HTR5A: variants seen among roughly 807,000 people sequenced by gnomAD.
The protein encoded by HTR5A is 5-hydroxytryptamine receptor 5A.
Under a neutral mutation model 24.3 loss-of-function variants are expected in HTR5A, and 21 were observed. The observed-to-expected ratio is 0.86, with a 90% CI of 0.61 to 1.24. The LOEUF is 1.24. HTR5A is among the 50% of genes most tolerant of loss of function. HTR5A has a pLI of 0.00. For synonymous variants in HTR5A, 260 were observed against 213.7 expected, an observed-to-expected ratio of 1.22 and a Z score of -1.89; for missense variants, 497 against 489.5, an observed-to-expected ratio of 1.02 and a Z score of -0.15.
At chr7:155,073,014 A>G (rs974262722) in intron 1 of HTR5A, among the ~76,000 whole-genome samples, 1 of 152,224 alleles carries the variant, frequency 6.6e-6, no homozygotes, top group East Asian at 1.9e-4. Context: ...CTGTCTGGAG[A>G]CATTTTGGAT....
chr7:155,073,076 T>C (rs2150817097), intron 1 of HTR5A, among the ~76,000 whole-genome samples: 1 of 152,146 alleles, frequency 6.6e-6, no homozygotes, highest in East Asian at 1.9e-4. Context: ...ATCCCAGCAC[T>C]TTGGGAGGCC....
chr7:155,079,219 C>T (rs1418642781), intron 1 of HTR5A, among the ~76,000 whole-genome samples: 2 of 152,150 alleles, frequency 1.3e-5, no homozygotes, highest in Non-Finnish European at 2.9e-5. Flanking sequence ...TCTCAAAGGG[C>T]TGGGATTACA....
chr7:155,073,197 T>C (rs1795316720), intron 1 of HTR5A, among the ~76,000 whole-genome samples: 1 of 151,768 alleles, frequency 6.6e-6, no homozygotes, highest in Non-Finnish European at 1.5e-5. Context: ...GGCAGGCGCC[T>C]GTAGTCCCAG....
chr7:155,071,216 G>T lies in HTR5A; in HGVS notation c.317G>T (p.Arg106Leu), dbSNP rs751304245. 1 of 1,603,198 alleles carries T rather than the reference G, an allele frequency of 6.2e-7. No homozygotes were observed. Among genetic ancestry groups the T allele is most frequent in the East Asian group, 2.2e-5 (1 of 44,876 alleles). ...LSLVHELSGR[R>L]WQLGRRLCQL... Reference sequence around the variant, plus strand: ...CTGGTGCACGAGCTGTCCGGGCGCCGCTGGCAGCTAGGTCGGAGGCTGTGC... The same window carrying T: ...CTGGTGCACGAGCTGTCCGGGCGCCTCTGGCAGCTAGGTCGGAGGCTGTGC... Residue 106 changes from arginine (R) to leucine (L), a missense_variant, in exon 1 of 2, where the codon CGC becomes CTC. By Grantham distance (102) the Arg-to-Leu change is moderately radical (BLOSUM62 -2). Coordinates refer to ENST00000287907, the MANE Select transcript of HTR5A (RefSeq NM_024012.4).
chr7:155,076,765 C>T (rs923097060), intron 1 of HTR5A, among the ~76,000 whole-genome samples: 8 of 152,144 alleles, frequency 5.3e-5, no homozygotes, highest in Non-Finnish European at 8.8e-5. Context: ...TTTCTGTTAG[C>T]AATTGGGGCT....
rs139813281 is a variant in HTR5A, at chr7:155,079,977, C to T, written c.742-4178C>T. ...ATCAATTGCTTTTTCATAAATTGGT[C>T]ACTGGCCTAATAATGGTCTTCAAAT... On this transcript the variant is annotated intron_variant, in intron 1 of 1. Transcript: ENST00000287907. Among the ~76,000 whole-genome samples the T allele has an allele frequency of 2.4e-3, 371 of 152,330 alleles. 1 individual carries two copies. The highest frequency in any genetic ancestry group is 8.6e-3 in the African/African-American group (357 of 41,568).
chr7:155,071,727 TA>T, intron 1 of HTR5A, 87 bp downstream of exon 1: 1 of 1,421,188 alleles, frequency 7.0e-7, no homozygotes, highest in Non-Finnish European at 9.5e-7. Flanking sequence ...CCCACACTTG[TA>T]GAAAATGGAA....
chr7:155,073,591 A>AGG (rs1795322396), intron 1 of HTR5A, among the ~76,000 whole-genome samples: 1 of 151,704 alleles, frequency 6.6e-6, no homozygotes, highest in Non-Finnish European at 1.5e-5. Flanking sequence ...CAAATTCCAG[A>AGG]CCAGGAACAA....
In HTR5A at chr7:155,084,521, C is replaced by T. The variant is rs377046718; in HGVS notation, c.*34C>T. 1.3e-6 allele frequency: 2 copies of T among 1,524,164 alleles called. No homozygotes were observed. Among genetic ancestry groups the T allele is most frequent in the African/African-American group, 2.8e-5 (2 of 72,670 alleles). 94.4% of individuals were successfully genotyped at this position (1,524,164 alleles called of 1,614,324 possible). A position where few individuals can be genotyped will look rare whatever the true frequency, so the allele number is the denominator to read the frequency against. Reference sequence around the variant, plus strand: ...ACCAGGATTGAAAAAAGTTTCTTCCCATAATTCAGTGGAATTCCCAGTTCA... The same window carrying T: ...ACCAGGATTGAAAAAAGTTTCTTCCTATAATTCAGTGGAATTCCCAGTTCA... On this transcript the variant is annotated 3_prime_UTR_variant, in exon 2 of 2. Transcript: ENST00000287907.
chr7:155,082,998 A>C (rs968323698), intron 1 of HTR5A, among the ~76,000 whole-genome samples: 1 of 152,234 alleles, frequency 6.6e-6, no homozygotes, highest in South Asian at 2.1e-4. Flanking sequence ...AATAAATGTC[A>C]GCAAAGCTCT....
intron 1 of HTR5A, among the ~76,000 whole-genome samples, chr7:155,079,113 C>A (rs1170062381): frequency 6.6e-6 from 1 of 152,032 alleles, no homozygotes; most frequent in African/African-American, 2.4e-5. Context: ...TGCCACCACA[C>A]CTGGCTAATT....
At chr7:155,073,194 G>A (rs995671490) in intron 1 of HTR5A, among the ~76,000 whole-genome samples, 9 of 152,066 alleles carry the variant, frequency 5.9e-5, no homozygotes, top group East Asian at 5.8e-4. Context: ...GGTGGCAGGC[G>A]CCTGTAGTCC....
chr7:155,085,852 G>C lies in HTR5A; in HGVS notation c.*1365G>C, dbSNP rs1274425986. 2.0e-5 allele frequency: 3 copies of C among 152,188 alleles called. No individual in the cohort carries two copies. The highest frequency in any genetic ancestry group is 2.0e-4 in the Admixed American group (3 of 15,276). The allele number at this position is 152,188 out of a possible 1,614,324, so 9.4% of individuals were successfully genotyped here. ...AATTTATATGTGGTCTTGGCTTGAA[G>C]TTTAGTCTTGTCTTTATTGCAAAGA... On this transcript the variant is annotated 3_prime_UTR_variant, in exon 2 of 2. Transcript: ENST00000287907.
Position 155,084,368 on chromosome 7 carries a change from T to A in HTR5A, c.955T>A (p.Trp319Arg). ...CTGCTCCTGTGACATCCCCGCCATC[T>A]GGAAAAGCATCTTCCTGTGGCTTGG... ...PLCSCDIPAI[W>R]KSIFLWLGYS... The change falls in exon 2 of 2, where the codon TGG (tryptophan) becomes AGG (arginine). Residue 319 changes from tryptophan to arginine, a missense_variant. By Grantham distance (101) the Trp-to-Arg change is moderately radical. Coordinates refer to ENST00000287907, the MANE Select transcript of HTR5A (RefSeq NM_024012.4). The A allele has an allele frequency of 6.2e-7, 1 of 1,614,200 alleles. No individual in the cohort carries two copies.
intron 1 of HTR5A, among the ~76,000 whole-genome samples, chr7:155,081,672 C>A (rs893601576): frequency 1.3e-5 from 2 of 152,116 alleles, no homozygotes; most frequent in Non-Finnish European, 2.9e-5. Context: ...CAATTAAGTG[C>A]TTTATTGCAA....
At chr7:155,081,599 T>C (rs898085383) in intron 1 of HTR5A, among the ~76,000 whole-genome samples, 2 of 152,238 alleles carry the variant, frequency 1.3e-5, no homozygotes, top group Non-Finnish European at 1.5e-5. Flanking sequence ...TTTCCTCTCT[T>C]TCTGTGAGTT....
rs1454356225 is a variant in HTR5A at position 155,084,538 on chromosome 7, C to A, written c.*51C>A. 1 of 1,420,396 alleles carries A rather than the reference C, an allele frequency of 7.0e-7. No homozygotes were observed. The highest frequency in any genetic ancestry group is 9.7e-7 in the Non-Finnish European group (1 of 1,034,254). The allele number at this position is 1,420,396 out of a possible 1,614,324, so 88.0% of individuals were successfully genotyped here. On this transcript the variant is annotated 3_prime_UTR_variant, in exon 2 of 2. Coordinates refer to ENST00000287907, the MANE Select transcript of HTR5A (RefSeq NM_024012.4). ...TTTCTTCCCATAATTCAGTGGAATT[C>A]CCAGTTCATCCATTTCCCATCCCCA...
At chr7:155,074,279 G>T (rs540486258) in intron 1 of HTR5A, among the ~76,000 whole-genome samples, 2 of 152,166 alleles carry the variant, frequency 1.3e-5, no homozygotes, top group Non-Finnish European at 2.9e-5. Flanking sequence ...GATAAGACTT[G>T]CCCTTGTCAA....
At chr7:155,073,875 A>ATATGTGTATATATATATATGTG (rs1388882564) in intron 1 of HTR5A, among the ~76,000 whole-genome samples, 3 of 12,852 alleles carry the variant, frequency 2.3e-4, no homozygotes, top group South Asian at 0.014. Context: ...GTATATATAT[A>ATATGTGTATATATATATATGTG]TGTATATATA....
Sources: gnomAD v4.1 joint callset for allele counts (sites outside exome capture counted in the v4.1 genomes callset) on GRCh38, gnomAD v4.1.1 for gene constraint, MANE v1.5 for transcripts, NCBI Gene and HGNC (gene_info 2026-07-23, HGNC 2026-07-21) for gene names.